The following RBL1 variants were observed in gnomAD, a reference collection of about 807,000 sequenced individuals.
RBL1 encodes retinoblastoma-like protein 1.
A neutral mutation model predicts 123.0 loss-of-function variants in RBL1; 82 were observed. That is an observed-to-expected ratio of 0.67 (90% confidence interval 0.56 to 0.80). RBL1 has a LOEUF of 0.80. Among genes scored for constraint, RBL1 ranks in the 30% least tolerant of loss-of-function variants. The probability of loss-of-function intolerance (pLI) is 0.00; values close to 1 mark genes in which losing one functional copy is unlikely to be tolerated. For missense variants in RBL1, 1,171 were observed against 1,299.6 expected, an observed-to-expected ratio of 0.90 and a Z score of 1.52; for synonymous variants, 405 against 441.3, an observed-to-expected ratio of 0.92 and a Z score of 1.03.
At chr20:37,095,651 T>C (rs1169939873) in intron 1 of RBL1, 122 bp downstream of exon 1, 5 of 863,986 alleles carry the variant, frequency 5.8e-6, no homozygotes, top group Non-Finnish European at 8.2e-6. Flanking sequence ...CCTCGGCGCT[T>C]GGCTGCGCAG....
chr20:37,081,959 A>G (rs531231310), intron 2 of RBL1: 27 of 455,860 alleles, frequency 5.9e-5, no homozygotes, highest in African/African-American at 5.4e-4. Context: ...CAGTAAATGG[A>G]GGCTCGCTTC....
In RBL1 at chr20:37,012,288, C is replaced by T. The variant is rs1393390267; in HGVS notation, c.2723-4729G>A. On this transcript the variant is annotated intron_variant, in intron 19 of 21. Coordinates refer to ENST00000373664, the MANE Select transcript of RBL1 (RefSeq NM_002895.5). ...TGCAGCCTCTGCCCGGCCGCCACCC[C>T]GTCTGGGAAGTGAGGAGCGTCTCTG... Among the ~76,000 whole-genome samples the T allele has an allele frequency of 8.5e-5, 13 of 152,266 alleles. No homozygotes were observed. In the East Asian group the frequency reaches 1.2e-3, roughly 14 times the overall value.
chr20:37,015,099 A>T (rs1005104202), intron 19 of RBL1, among the ~76,000 whole-genome samples: 2 of 151,470 alleles, frequency 1.3e-5, no homozygotes, highest in Non-Finnish European at 2.9e-5. Flanking sequence ...AAAGAAAGAA[A>T]TTGTGTAGCA....
At chr20:37,007,679 A>T in intron 19 of RBL1, 120 bp from the exon 20 acceptor site, 3 of 943,840 alleles carry the variant, frequency 3.2e-6, no homozygotes, top group Middle Eastern at 3.4e-4. Flanking sequence ...TGCAGCCCTG[A>T]CCTCCTGGAT....
chr20:37,092,740 C>T (rs1413016055), intron 1 of RBL1, among the ~76,000 whole-genome samples: 2 of 152,164 alleles, frequency 1.3e-5, no homozygotes, highest in Non-Finnish European at 2.9e-5. Context: ...GATCCTCCTG[C>T]CTCAGCCTCC....
chr20:37,007,387 A>G (rs370262668), intron 20 of RBL1, 24 bp downstream of exon 20: 285 of 1,599,432 alleles, frequency 1.8e-4, no homozygotes, highest in Non-Finnish European at 2.1e-4. Context: ...AAATAATAAT[A>G]AAGTAGTAAA....
At chr20:37,042,899 C>A (rs1336527717) in intron 13 of RBL1, among the ~76,000 whole-genome samples, 30 of 112,782 alleles carry the variant, frequency 2.7e-4, no homozygotes, top group African/African-American at 9.9e-4. Flanking sequence ...ATCTTGTCCC[C>A]CCCCCTCCAA....
intron 21 of RBL1, among the ~76,000 whole-genome samples, chr20:37,003,231 C>T (rs184381438): frequency 6.6e-6 from 1 of 152,272 alleles, no homozygotes. Context: ...TCTCTGAAAA[C>T]AGCAATCATG....
At chr20:37,067,849 T>A (rs1480178028) in intron 3 of RBL1, 137 bp downstream of exon 3, 4 of 934,976 alleles carry the variant, frequency 4.3e-6, no homozygotes, top group South Asian at 1.9e-5. Flanking sequence ...ATATGGATAA[T>A]TGTACATGGA....
rs764036090 is a variant in RBL1 at position 37,068,099 on chromosome 20, C to G, written c.378G>C (p.Glu126Asp). The change falls in exon 3 of 22, where the codon GAG (glutamate) becomes GAC (aspartate). Residue 126 changes from glutamate to aspartate, a missense_variant. Coordinates refer to ENST00000373664, the MANE Select transcript of RBL1 (RefSeq NM_002895.5). ...QEFRERIERL[E>D]RNFEVSTVIF... ...TTACAGTAGACACCTCAAAATTTCT[C>G]TCTAGCCTTTCTATACGTTCACGAA... is the stretch of plus-strand genomic sequence containing the variant. 6.2e-7 allele frequency: 1 copy of G among 1,613,406 alleles called. No homozygotes were observed. The highest frequency in any genetic ancestry group is 8.5e-7 in the Non-Finnish European group (1 of 1,179,874).
intron 11 of RBL1, among the ~76,000 whole-genome samples, chr20:37,054,409 G>A (rs1382900420): frequency 2.6e-5 from 4 of 152,018 alleles, no homozygotes; most frequent in South Asian, 2.1e-4. Context: ...GCTTGAACTC[G>A]CGAGGCGGAG....
intron 9 of RBL1, among the ~76,000 whole-genome samples, chr20:37,057,869 T>G (rs1013993571): frequency 2.9e-4 from 44 of 152,078 alleles, no homozygotes; most frequent in African/African-American, 1.1e-3. Context: ...ACACCTGTTG[T>G]AATCCCAGCA....
At chr20:37,084,773 C>A (rs6017232) in intron 2 of RBL1, among the ~76,000 whole-genome samples, 89,962 of 151,792 alleles carry the variant, frequency 0.59, 27,412 homozygotes, top group African/African-American at 0.75. Flanking sequence ...ATAGGAAGAC[C>A]TTTTTTTTTG....
In RBL1 at chr20:37,089,103, A is replaced by G. The variant is rs2065604924; in HGVS notation, c.176T>C (p.Leu59Ser). The G allele has an allele frequency of 6.2e-7, 1 of 1,608,612 alleles. No individual in the cohort carries two copies. The highest frequency in any genetic ancestry group is 8.5e-7 in the Non-Finnish European group (1 of 1,177,160). Residue 59 changes from leucine (L) to serine (S), a missense_variant, in exon 2 of 22, where the codon TTG (leucine) becomes TCG (serine). Leu to Ser is a moderately radical substitution (Grantham distance 145, BLOSUM62 -2). Coordinates refer to ENST00000373664, the MANE Select transcript of RBL1 (RefSeq NM_002895.5). ...GCATGCAACATATAATGAACATGCC[A>G]ACCAGTGTGTAACTTCTCCCTGGCA... is the stretch of plus-strand genomic sequence containing the variant. ...YSLEGEVTHW[L>S]ACSLYVACRK...
chr20:37,089,716 T>C (rs141705111), intron 1 of RBL1, among the ~76,000 whole-genome samples: 43 of 151,744 alleles, frequency 2.8e-4, no homozygotes, highest in Non-Finnish European at 1.8e-4. Flanking sequence ...AATACAGGCA[T>C]ATGCCACATA....
In RBL1 at chr20:37,067,032, A is replaced by G. The variant is rs777459942; in HGVS notation, c.646T>C (p.Cys216Arg). The G allele has an allele frequency of 6.2e-7, 1 of 1,610,838 alleles. No individual in the cohort carries two copies. Among genetic ancestry groups the G allele is most frequent in the South Asian group, 1.1e-5 (1 of 90,830 alleles). The change falls in exon 5 of 22, where the codon TGC (cysteine) becomes CGC (arginine). Residue 216 changes from cysteine (C) to arginine (R), a missense_variant. Transcript: ENST00000373664. ...TTTAGCAAGTCTTGTCTATTTGGGC[A>G]CATAATCGCATTGGCAAAAATCAGA... ...LDLIFANAIM[C>R]PNRQDLLNPS...
Position 37,044,076 on chromosome 20 carries a change from C to T in RBL1, c.1770+10G>A. ...TTAATGATACGATTATCAGCCTTGC[C>T]CAGACTCACTTCTTCACAGGTAGGA... On this transcript the variant is annotated intron_variant, in intron 13 of 21. Coordinates refer to ENST00000373664, the MANE Select transcript of RBL1 (RefSeq NM_002895.5). The T allele has an allele frequency of 6.3e-7, 1 of 1,582,640 alleles. No individual in the cohort carries two copies. The highest frequency in any genetic ancestry group is 8.6e-7 in the Non-Finnish European group (1 of 1,166,018).
intron 2 of RBL1, among the ~76,000 whole-genome samples, chr20:37,074,415 GAA>G (rs751317386): frequency 1.4e-4 from 9 of 62,284 alleles, no homozygotes; most frequent in Admixed American, 1.8e-4. Context: ...CCCTGTCTCA[GAA>G]AAAAAAAAAA....
intron 13 of RBL1, among the ~76,000 whole-genome samples, chr20:37,043,364 G>T (rs2064765576): frequency 6.6e-6 from 1 of 151,292 alleles, no homozygotes; most frequent in Non-Finnish European, 1.5e-5. Context: ...GTGGTGGTGG[G>T]TGCCTATAAT....
Sources: gnomAD v4.1 joint callset for allele counts (sites outside exome capture counted in the v4.1 genomes callset) on GRCh38, gnomAD v4.1.1 for gene constraint, MANE v1.5 for transcripts, NCBI Gene and HGNC (gene_info 2026-07-23, HGNC 2026-07-21) for gene names.